Variants in THOC7 observed in about 807,000 individuals in gnomAD.
THOC7 encodes the protein NIF3L1-binding protein 1.
Under a neutral mutation model 33.1 loss-of-function variants are expected in THOC7, and 22 were observed. The observed-to-expected ratio is 0.66, with a 90% CI of 0.47 to 0.95. The LOEUF is 0.95. Among genes scored for constraint, THOC7 ranks in the 40% least tolerant of loss-of-function variants. The probability of loss-of-function intolerance (pLI) is 0.00; values close to 1 mark genes in which losing one functional copy is unlikely to be tolerated. For synonymous variants in THOC7, 77 were observed against 76.8 expected, an observed-to-expected ratio of 1.00 and a Z score of -0.01; for missense variants, 184 against 245.3, an observed-to-expected ratio of 0.75 and a Z score of 1.67.
At chr3:63,854,260 A>T (rs145233621) in intron 1 of THOC7, among the ~76,000 whole-genome samples, 143 of 152,380 alleles carry the variant, frequency 9.4e-4, no homozygotes, top group African/African-American at 3.4e-3. Context: ...TTTTAAATTT[A>T]AAGATGGACT....
rs1018380400 is a variant in THOC7, at chr3:63,836,411, T to G, written c.353-53A>C. 2.6e-6 allele frequency: 4 copies of G among 1,558,664 alleles called. No homozygotes were observed. In the African/African-American group the frequency reaches 5.4e-5, roughly 21 times the overall value. On this transcript the variant is annotated intron_variant, in intron 4 of 7. Coordinates refer to ENST00000295899, the MANE Select transcript of THOC7 (RefSeq NM_025075.4). ...CTAAGGATTTTTTGAATGTGAATTA[T>G]CAAAACAAAATGTGTAATATCACAA...
In THOC7 at chr3:63,849,698, A is replaced by G. The variant is rs535213258; in HGVS notation, c.20-9925T>C. On this transcript the variant is annotated intron_variant, in intron 1 of 7. Coordinates refer to ENST00000295899, the MANE Select transcript of THOC7 (RefSeq NM_025075.4). ...AATGAGGGTGAATGTAGAGAAAAAAATTACGTTAAAAAAAGTTATAGTGGC... is the reference window on the plus strand; with the variant it reads ...AATGAGGGTGAATGTAGAGAAAAAAGTTACGTTAAAAAAAGTTATAGTGGC... 2.0e-5 allele frequency among the ~76,000 whole-genome samples: 3 copies of G among 152,322 alleles called. No homozygotes were observed. In the South Asian group the frequency reaches 6.2e-4, roughly 32 times the overall value.
Position 63,863,766 on chromosome 3 carries a change from C to T in THOC7, c.19+6G>A. On this transcript the variant is annotated splice_donor_region_variant and intron_variant, in intron 1 of 7. Coordinates refer to ENST00000295899, the MANE Select transcript of THOC7 (RefSeq NM_025075.4). The stretch of plus-strand genomic sequence containing the variant: ...CGGGCGCGTGTGGCGGCGAGCGGGG[C>T]CTCACCGTCAGTCACGGCTCCCATG... 3 of 1,252,292 alleles carry T rather than the reference C, an allele frequency of 2.4e-6. No homozygotes were observed. Among genetic ancestry groups the T allele is most frequent in the African/African-American group, 1.6e-5 (1 of 64,324 alleles). The allele number at this position is 1,252,292 out of a possible 1,614,324, so 77.6% of individuals were successfully genotyped here. A position where few individuals can be genotyped will look rare whatever the true frequency, so the allele number is the denominator to read the frequency against.
At chr3:63,837,871 C>A in intron 4 of THOC7, 105 bp downstream of exon 4, 1 of 940,420 alleles carries the variant, frequency 1.1e-6, no homozygotes, top group South Asian at 2.0e-5. Flanking sequence ...TTTTTTTAAT[C>A]CAGGTTGATT....
chr3:63,839,908 C>T, intron 1 of THOC7, 135 bp from the exon 2 acceptor site: 1 of 665,624 alleles, frequency 1.5e-6, no homozygotes, highest in Non-Finnish European at 2.5e-6. Flanking sequence ...CTGAACTGTA[C>T]ACTTAAAAAT....
intron 1 of THOC7, among the ~76,000 whole-genome samples, chr3:63,857,659 G>A (rs1702139491): frequency 2.6e-5 from 4 of 152,194 alleles, no homozygotes. Flanking sequence ...GTGGGTGGAA[G>A]GAACAATAAG....
At chr3:63,843,523 T>C (rs1343627106) in intron 1 of THOC7, among the ~76,000 whole-genome samples, 1 of 152,224 alleles carries the variant, frequency 6.6e-6, no homozygotes, top group Non-Finnish European at 1.5e-5. Flanking sequence ...AAGAGGTATC[T>C]GCACTCCAAC....
intron 1 of THOC7, chr3:63,861,098 G>A (rs1702202159): frequency 6.6e-6 from 1 of 152,192 alleles, no homozygotes; most frequent in African/African-American, 2.4e-5. Context: ...TCAATGCAAA[G>A]CCCTTTACAA....
At chr3:63,864,313 G>A (rs1702334802), upstream of THOC7, among the ~76,000 whole-genome samples, 1 of 151,926 alleles carries the variant, frequency 6.6e-6, no homozygotes, top group Non-Finnish European at 1.5e-5. Flanking sequence ...TTTCCCTGGG[G>A]GGTGGGGAGG....
chr3:63,851,577 T>A (rs1318701814), intron 1 of THOC7, among the ~76,000 whole-genome samples: 4 of 152,236 alleles, frequency 2.6e-5, no homozygotes, highest in Non-Finnish European at 4.4e-5. Context: ...AGTTTAAATC[T>A]TCCGTGGGTA....
intron 1 of THOC7, among the ~76,000 whole-genome samples, chr3:63,853,160 A>G: frequency 6.6e-6 from 1 of 151,198 alleles, no homozygotes; most frequent in African/African-American, 2.4e-5. Context: ...CAAAAAAGAA[A>G]AAAAAAAAAA....
At chr3:63,843,269 C>T (rs2107135137) in intron 1 of THOC7, among the ~76,000 whole-genome samples, 1 of 152,140 alleles carries the variant, frequency 6.6e-6, no homozygotes, top group South Asian at 2.1e-4. Flanking sequence ...CAGGCATGTG[C>T]CACCATGCCC....
chr3:63,863,909 C>G, upstream of THOC7: 1 of 1,017,980 alleles, frequency 9.8e-7, no homozygotes, highest in South Asian at 4.7e-5. Flanking sequence ...GAGGCGGCGG[C>G]GCCCGCGGCC....
At chr3:63,840,668 C>G (rs1443434833) in intron 1 of THOC7, among the ~76,000 whole-genome samples, 1 of 152,186 alleles carries the variant, frequency 6.6e-6, no homozygotes, top group Non-Finnish European at 1.5e-5. Context: ...ATCTGTCTGC[C>G]TGGCAGTCCT....
chr3:63,854,052 T>C (rs1702066924), intron 1 of THOC7, among the ~76,000 whole-genome samples: 1 of 152,260 alleles, frequency 6.6e-6, no homozygotes, highest in African/African-American at 2.4e-5. Flanking sequence ...TAGGATTCCT[T>C]ACAAATTTGC....
chr3:63,849,899 C>G (rs576125812), intron 1 of THOC7, among the ~76,000 whole-genome samples: 1 of 152,264 alleles, frequency 6.6e-6, no homozygotes, highest in East Asian at 1.9e-4. Context: ...AAAAGCTGGA[C>G]AACTCGATGT....
chr3:63,842,010 G>A (rs1701770675), intron 1 of THOC7, among the ~76,000 whole-genome samples: 1 of 152,114 alleles, frequency 6.6e-6, no homozygotes, highest in Non-Finnish European at 1.5e-5. Flanking sequence ...AAAGTAATAG[G>A]AAAACAACAT....
intron 1 of THOC7, chr3:63,845,123 T>C: frequency 1.5e-6 from 1 of 675,198 alleles, no homozygotes; most frequent in Non-Finnish European, 2.7e-6. Flanking sequence ...GGGTACTATC[T>C]CCTTCATGTA....
At chr3:63,834,233 A>G (rs1701580403) in intron 7 of THOC7, 34 bp from the exon 8 acceptor site, 1 of 1,604,440 alleles carries the variant, frequency 6.2e-7, no homozygotes, top group East Asian at 2.2e-5. Context: ...AACCTTAGTC[A>G]AGTTTGCCTA....
Sources: allele counts gnomAD v4.1 joint callset (sites outside exome capture counted in the v4.1 genomes callset), GRCh38; gene constraint gnomAD v4.1.1; transcripts MANE v1.5; gene names NCBI Gene and HGNC (gene_info 2026-07-23, HGNC 2026-07-21).